Variants in CCBE1 observed in about 807,000 individuals in gnomAD.
The protein encoded by CCBE1 is collagen and calcium binding EGF domains 1.
Under a neutral mutation model 50.0 loss-of-function variants are expected in CCBE1, and 37 were observed. That is an observed-to-expected ratio of 0.74 (90% CI 0.57 to 0.97). The LOEUF is 0.97. Ranked by LOEUF, CCBE1 falls within the 50% of genes least tolerant of loss-of-function variation. The pLI is 0.00. For missense variants in CCBE1, 538 were observed against 523.8 expected, an observed-to-expected ratio of 1.03 and a Z score of -0.26; for synonymous variants, 234 against 203.7, an observed-to-expected ratio of 1.15 and a Z score of -1.27.
chr18:59,504,823 A>T (rs1053226649), intron 2 of CCBE1, among the ~76,000 whole-genome samples: 1 of 152,102 alleles, frequency 6.6e-6, no homozygotes, highest in Non-Finnish European at 1.5e-5. Flanking sequence ...TGGCTCTCTA[A>T]GCCAAGCACA....
intron 2 of CCBE1, among the ~76,000 whole-genome samples, chr18:59,600,158 G>A (rs1031903766): frequency 3.3e-5 from 5 of 152,226 alleles, no homozygotes; most frequent in East Asian, 1.9e-4. Context: ...GTTAGGAACC[G>A]GGCTGTGGGC....
At chr18:59,514,643 T>C (rs1418297542) in intron 2 of CCBE1, among the ~76,000 whole-genome samples, 1 of 127,668 alleles carries the variant, frequency 7.8e-6, no homozygotes, top group Non-Finnish European at 1.6e-5. Flanking sequence ...TTTCCTTTCC[T>C]TGAAAAAAAA....
intron 10 of CCBE1, among the ~76,000 whole-genome samples, chr18:59,436,971 C>A (rs1319609865): frequency 1.3e-5 from 2 of 151,260 alleles, no homozygotes; most frequent in Admixed American, 6.6e-5. Context: ...GACCCTGTCT[C>A]AAAAAAAACA....
At chr18:59,492,377 G>A (rs1036894903) in intron 2 of CCBE1, among the ~76,000 whole-genome samples, 15 of 151,910 alleles carry the variant, frequency 9.9e-5, no homozygotes, top group Non-Finnish European at 1.8e-4. Flanking sequence ...TTACAGCTGG[G>A]CACATAACCA....
At chr18:59,441,280 C>T (rs546858061) in intron 7 of CCBE1, among the ~76,000 whole-genome samples, 30 of 152,174 alleles carry the variant, frequency 2.0e-4, no homozygotes, top group Admixed American at 7.9e-4. Flanking sequence ...GAGGTTGAGG[C>T]GGGTGGATCA....
chr18:59,642,637 C>A lies in CCBE1; in HGVS notation c.212+53992G>T, dbSNP rs1034912580. 2.6e-5 allele frequency among the ~76,000 whole-genome samples: 4 copies of A among 152,160 alleles called. 1 individual carries two copies. The South Asian group carries it at 8.3e-4, about 32-fold the overall frequency. Reference sequence around the variant, plus strand: ...GGGCTGCAGTGAAAATAGTCAACTGCATCAAAGGAATGATTCTCAAGAATA... The same window carrying A: ...GGGCTGCAGTGAAAATAGTCAACTGAATCAAAGGAATGATTCTCAAGAATA... On this transcript the variant is annotated intron_variant, in intron 2 of 10. Coordinates refer to ENST00000439986, the MANE Select transcript of CCBE1 (RefSeq NM_133459.4).
At chr18:59,477,182 T>C (rs1475508766) in intron 3 of CCBE1, among the ~76,000 whole-genome samples, 1 of 152,096 alleles carries the variant, frequency 6.6e-6, no homozygotes, top group Non-Finnish European at 1.5e-5. Flanking sequence ...CAAGGGGAAA[T>C]TGTACTGTTA....
chr18:59,620,650 G>A (rs1172322828), intron 2 of CCBE1, among the ~76,000 whole-genome samples: 1 of 152,118 alleles, frequency 6.6e-6, no homozygotes, highest in African/African-American at 2.4e-5. Flanking sequence ...TCTCATAATA[G>A]TGAATAAGTC....
chr18:59,683,765 G>A (rs2054622029), intron 2 of CCBE1, among the ~76,000 whole-genome samples: 1 of 152,082 alleles, frequency 6.6e-6, no homozygotes, highest in African/African-American at 2.4e-5. Flanking sequence ...TCACTGAAGA[G>A]GCAGGACCTG....
rs559402021 is a variant in CCBE1 at position 59,615,020 on chromosome 18, A to G, written c.212+81609T>C. ...CTCCATTCTTTCTCCCACTTAATACATCCAATGACAAATGCCTGACAACTA... is the reference window on the plus strand; with the variant it reads ...CTCCATTCTTTCTCCCACTTAATACGTCCAATGACAAATGCCTGACAACTA... On this transcript the variant is annotated intron_variant, in intron 2 of 10. Transcript: ENST00000439986. Among the ~76,000 whole-genome samples the G allele has an allele frequency of 1.8e-3, 270 of 152,306 alleles. 1 individual carries two copies. The highest frequency in any genetic ancestry group is 6.3e-3 in the African/African-American group (262 of 41,574).
intron 2 of CCBE1, among the ~76,000 whole-genome samples, chr18:59,493,091 T>G (rs1459322667): frequency 3.3e-5 from 5 of 152,232 alleles, no homozygotes; most frequent in Admixed American, 3.3e-4. Flanking sequence ...AATTTGCTGA[T>G]TCCAAGTTTC....
chr18:59,684,738 T>C (rs1374227074), intron 2 of CCBE1, among the ~76,000 whole-genome samples: 3 of 152,242 alleles, frequency 2.0e-5, no homozygotes, highest in African/African-American at 7.2e-5. Flanking sequence ...CTATGCATTA[T>C]AGACAGACAT....
chr18:59,434,302 T>C lies in CCBE1; in HGVS notation c.*1606A>G, dbSNP rs1297862921. The C allele has an allele frequency of 6.6e-6, 1 of 152,116 alleles. No individual in the cohort carries two copies. Among genetic ancestry groups the C allele is most frequent in the Non-Finnish European group, 1.5e-5 (1 of 68,022 alleles). 9.4% of individuals were successfully genotyped at this position (152,116 alleles called of 1,614,324 possible). A position where few individuals can be genotyped will look rare whatever the true frequency, so the allele number is the denominator to read the frequency against. On this transcript the variant is annotated 3_prime_UTR_variant, in exon 11 of 11. Coordinates refer to ENST00000439986, the MANE Select transcript of CCBE1 (RefSeq NM_133459.4). ...GGAAAGGACATGGCAGGATGGGAAA[T>C]TCCAACATGAGCTAATATGAGTGTG...
At chr18:59,644,403 T>G (rs2054028986) in intron 2 of CCBE1, among the ~76,000 whole-genome samples, 1 of 152,182 alleles carries the variant, frequency 6.6e-6, no homozygotes, top group African/African-American at 2.4e-5. Flanking sequence ...ATTCGATGTG[T>G]AAGTTCTGTT....
At chr18:59,569,864 C>T (rs1367872676) in intron 2 of CCBE1, among the ~76,000 whole-genome samples, 1 of 152,196 alleles carries the variant, frequency 6.6e-6, no homozygotes, top group Non-Finnish European at 1.5e-5. Flanking sequence ...CTCCTGGCCT[C>T]AAGTGATCCT....
intron 7 of CCBE1, 120 bp downstream of exon 7, chr18:59,447,863 C>T (rs1910751082): frequency 4.7e-6 from 7 of 1,492,428 alleles, no homozygotes; most frequent in Non-Finnish European, 6.4e-6. Context: ...GTCCCATGGA[C>T]ACCTGCCTTG....
At chr18:59,680,110 A>G (rs1047755292) in intron 2 of CCBE1, among the ~76,000 whole-genome samples, 7 of 152,080 alleles carry the variant, frequency 4.6e-5, no homozygotes, top group African/African-American at 1.7e-4. Context: ...AATCCCAGCT[A>G]CTCGGGAGAC....
chr18:59,696,600 C>G (rs200441731), intron 2 of CCBE1, 29 bp downstream of exon 2: 2 of 1,612,730 alleles, frequency 1.2e-6, no homozygotes, highest in Non-Finnish European at 1.7e-6. Flanking sequence ...TGCGCAGTGG[C>G]GAACAGCCCG....
chr18:59,481,523 A>T (rs890420329), intron 2 of CCBE1, among the ~76,000 whole-genome samples: 9 of 152,208 alleles, frequency 5.9e-5, no homozygotes, highest in African/African-American at 2.2e-4. Context: ...ATGCCTAGAG[A>T]TGTCATGGTC....
Sources: allele counts gnomAD v4.1 joint callset (sites outside exome capture counted in the v4.1 genomes callset), GRCh38; gene constraint gnomAD v4.1.1; transcripts MANE v1.5; gene names NCBI Gene and HGNC (gene_info 2026-07-23, HGNC 2026-07-21).